The following FADS2 variants were observed in gnomAD, a reference collection of about 807,000 sequenced individuals.
FADS2 encodes the protein acyl-CoA 6-desaturase.
A neutral mutation model predicts 61.2 loss-of-function variants in FADS2; 18 were observed. That is an observed-to-expected ratio of 0.29 (90% CI 0.20 to 0.44). FADS2 has a LOEUF of 0.44. FADS2 is among the 20% of genes least tolerant of loss of function. The probability of loss-of-function intolerance (pLI) is 1.00; values close to 1 mark genes in which losing one functional copy is unlikely to be tolerated. For missense variants in FADS2, 322 were observed against 572.7 expected (o/e 0.56, Z 4.47); for synonymous variants, 203 against 223.9 (o/e 0.91, Z 0.83).
chr11:61,816,858 A>T lies in FADS2; in HGVS notation c.141+432A>T, dbSNP rs113305638. The T allele has an allele frequency of 6.7e-7, 1 of 1,481,892 alleles. No homozygotes were observed. Among genetic ancestry groups the T allele is most frequent in the Admixed American group, 2.4e-5 (1 of 41,350 alleles). 91.8% of individuals were successfully genotyped at this position (1,481,892 alleles called of 1,614,324 possible). On this transcript the variant is annotated intron_variant, in intron 1 of 11. Coordinates refer to the FADS2 transcript ENST00000257261. This position sits in a 1 kb window ranked among gnomAD's most constrained non-coding sequence, Gnocchi z 7.0. ...AGTGGATTTGCTGGCGCGCGCCCAG[A>T]GCCAGCCGCCTGCGCGCCGGGTTTT...
rs1565334598 is a variant in FADS2, at chr11:61,853,295, CCTTCCTT to C, written c.745-3714_745-3708del. Among the ~76,000 whole-genome samples, 447 of 86,222 alleles carry C rather than the reference CCTTCCTT, an allele frequency of 5.2e-3. 8 individuals are homozygous for C. Among genetic ancestry groups the C allele is most frequent in the African/African-American group, 0.015 (407 of 26,432 alleles). 56.6% of individuals were successfully genotyped at this position (86,222 alleles called of 152,430 possible). A position where few individuals can be genotyped will look rare whatever the true frequency, so the allele number is the denominator to read the frequency against. On this transcript the variant is annotated intron_variant, in intron 5 of 11. Coordinates refer to ENST00000278840, the MANE Select transcript of FADS2 (RefSeq NM_004265.4). ...CCTCCCTTCCCTCCCTCCCTCCCTT[CCTTCCTT>C]CCTTCCTTCCTTCCTTCCTTCCTTC...
At chr11:61,837,208 A>G (rs2067181169) in intron 1 of FADS2, among the ~76,000 whole-genome samples, 1 of 152,230 alleles carries the variant, frequency 6.6e-6, no homozygotes, top group African/African-American at 2.4e-5. Context: ...TAACATGTGC[A>G]ATAATAGCCT....
In FADS2 at chr11:61,862,958, A is replaced by C. The variant is rs772936031; in HGVS notation, c.883-14A>C. On this transcript the variant is annotated splice_polypyrimidine_tract_variant and intron_variant, in intron 7 of 11. Transcript: ENST00000278840. ...GAGAGGGCAGGTTGCACCTAACTTC[A>C]TCTTTCCCCGCAGGACCTGGCCTGG... The C allele has an allele frequency of 1.1e-5, 17 of 1,612,788 alleles. No homozygotes were observed. Among genetic ancestry groups the C allele is most frequent in the Non-Finnish European group, 1.4e-5 (17 of 1,178,758 alleles).
In FADS2 at chr11:61,828,404, G is replaced by C. The variant is rs765959838; in HGVS notation, c.14G>C (p.Gly5Ala). The change falls in exon 1 of 12, where the codon GGG becomes GCG. Residue 5 changes from glycine (G) to alanine (A), a missense_variant. Around this residue, in one of 3 missense-constraint regions of FADS2, gnomAD observed 61 missense variants for 107.4 expected, o/e 0.57. Coordinates refer to ENST00000278840, the MANE Select transcript of FADS2 (RefSeq NM_004265.4). The surrounding 1 kb of genome is among the most constrained non-coding windows in gnomAD (Gnocchi z 6.4). ...TCGGCAGGCAGCATGGGGAAGGGAG[G>C]GAACCAGGGCGAGGGGGCCGCCGAG... MGKG[G>A]NQGEGAAERE... 22 of 1,567,040 alleles carry C rather than the reference G, an allele frequency of 1.4e-5. No homozygotes were observed. Among genetic ancestry groups the C allele is most frequent in the Non-Finnish European group, 1.8e-5 (21 of 1,156,662 alleles).
At chr11:61,858,236 G>T (rs2067380929) in intron 7 of FADS2, among the ~76,000 whole-genome samples, 1 of 121,504 alleles carries the variant, frequency 8.2e-6, no homozygotes, top group South Asian at 2.7e-4. Flanking sequence ...GGAGTGCAGT[G>T]GTGTGATCTC....
intron 5 of FADS2, among the ~76,000 whole-genome samples, chr11:61,850,838 A>G (rs899460694): frequency 6.6e-6 from 1 of 152,194 alleles, no homozygotes; most frequent in Non-Finnish European, 1.5e-5. Context: ...TGGCACCGTG[A>G]GTGAAGTAGT....
In FADS2 at chr11:61,831,425, G is replaced by A. The variant is rs548816858; in HGVS notation, c.207+2828G>A. 3.0e-4 allele frequency among the ~76,000 whole-genome samples: 46 copies of A among 152,268 alleles called. No individual in the cohort carries two copies. The South Asian group carries it at 6.2e-3, about 21-fold the overall frequency. On this transcript the variant is annotated intron_variant, in intron 1 of 11. Transcript: ENST00000278840. ...CCTAACACAAGGCTGGAAACAGGTC[G>A]GAAGTCAAGGTAGCCATTCTTGGGA...
intron 9 of FADS2, 85 bp downstream of exon 9, chr11:61,863,463 C>A: frequency 2.8e-6 from 3 of 1,079,360 alleles, no homozygotes; most frequent in Non-Finnish European, 2.8e-6. Context: ...TAACACAGGG[C>A]TGTGCTGGGC....
Position 61,865,168 on chromosome 11 carries a change from C to G in FADS2, c.1174C>G (p.Pro392Ala). Reference sequence around the variant, plus strand: ...ACTCCTCAGCCTCTTCCCCACCATGCCCCGGCACAACTTACACAAGATCGC... The same window carrying G: ...ACTCCTCAGCCTCTTCCCCACCATGGCCCGGCACAACTTACACAAGATCGC... Reference protein sequence around the residue: ...QIEHHLFPTMPRHNLHKIAPL... With the variant: ...QIEHHLFPTMARHNLHKIAPL... The change falls in exon 11 of 12, where the codon CCC (proline) becomes GCC (alanine). Residue 392 changes from proline to alanine, a missense_variant. Pro to Ala is a conservative substitution (Grantham distance 27). Transcript: ENST00000278840. This position sits in a 1 kb window ranked among gnomAD's most constrained non-coding sequence, Gnocchi z 4.1. 6.2e-7 allele frequency: 1 copy of G among 1,613,580 alleles called. No homozygotes were observed. Among genetic ancestry groups the G allele is most frequent in the Non-Finnish European group, 8.5e-7 (1 of 1,179,898 alleles).
At position 61,840,523 on chromosome 11, in the gene FADS2, A is replaced by G. The variant is rs2067210157; in HGVS notation, c.508A>G (p.Thr170Ala). The change falls in exon 3 of 12, where the codon ACC becomes GCC. Residue 170 changes from threonine (T) to alanine (A), a missense_variant. Around this residue, in one of 3 missense-constraint regions of FADS2, gnomAD observed 221 missense variants for 427.9 expected, o/e 0.52. Transcript: ENST00000278840. ...PTLITAFVLA[T>A]SQAQAGWLQH... ...CCTCATCACGGCCTTTGTCCTTGCT[A>G]CCTCTCAGGTGAGGCGTGACACCCT... is the stretch of plus-strand genomic sequence containing the variant. 2 of 1,613,746 alleles carry G rather than the reference A, an allele frequency of 1.2e-6. No homozygotes were observed. Among genetic ancestry groups the G allele is most frequent in the Non-Finnish European group, 1.7e-6 (2 of 1,179,960 alleles).
At chr11:61,863,114 T>C in intron 8 of FADS2, 45 bp downstream of exon 8, 1 of 1,551,582 alleles carries the variant, frequency 6.4e-7, no homozygotes, top group African/African-American at 1.4e-5. Context: ...CCACTGGCAC[T>C]GATGATGGCT....
chr11:61,849,993 C>A (rs1565333316), intron 5 of FADS2, among the ~76,000 whole-genome samples: 1 of 152,128 alleles, frequency 6.6e-6, no homozygotes, highest in Non-Finnish European at 1.5e-5. Flanking sequence ...GATTGCACCA[C>A]TGCACTCCAG....
At position 61,863,593 on chromosome 11, in the gene FADS2, G is replaced by C. The variant is rs1053698985; in HGVS notation, c.1078-114G>C. On this transcript the variant is annotated intron_variant, in intron 9 of 11. Transcript: ENST00000278840. Reference sequence around the variant, plus strand: ...GTGGGCTGAGGCCATCAGGCAGGACGGTATGATGTGGACGGGTGGCCTGGA... The same window carrying C: ...GTGGGCTGAGGCCATCAGGCAGGACCGTATGATGTGGACGGGTGGCCTGGA... 1.0e-5 allele frequency: 9 copies of C among 890,602 alleles called. No homozygotes were observed. The African/African-American group carries it at 1.5e-4, about 15-fold the overall frequency. The allele number at this position is 890,602 out of a possible 1,614,324, so 55.2% of individuals were successfully genotyped here.
intron 2 of FADS2, among the ~76,000 whole-genome samples, chr11:61,838,714 T>C (rs746674504): frequency 2.0e-5 from 3 of 151,980 alleles, no homozygotes; most frequent in Non-Finnish European, 2.9e-5. Flanking sequence ...CAAAGGCCAA[T>C]GCCCCTCCTC....
intron 5 of FADS2, among the ~76,000 whole-genome samples, chr11:61,851,257 A>T (rs1309491163): frequency 3.9e-5 from 6 of 152,160 alleles, no homozygotes; most frequent in Non-Finnish European, 8.8e-5. Flanking sequence ...CCAACAAAGA[A>T]AGTCTAGTCC....
intron 1 of FADS2, among the ~76,000 whole-genome samples, chr11:61,834,624 A>C (rs2067155764): frequency 1.3e-5 from 2 of 152,128 alleles, no homozygotes; most frequent in African/African-American, 4.8e-5. Context: ...AGGCAGCAGG[A>C]GTGGAGATGA....
intron 6 of FADS2, 39 bp from the exon 7 acceptor site, chr11:61,857,415 T>G (rs1475058276): frequency 5.1e-6 from 8 of 1,583,626 alleles, no homozygotes; most frequent in Non-Finnish European, 6.9e-6. Flanking sequence ...ACAGGCAGGG[T>G]GGAATGGATG....
chr11:61,826,573 G>C (rs1380916481), upstream of FADS2: 2 of 599,582 alleles, frequency 3.3e-6, no homozygotes, highest in African/African-American at 3.7e-5. Flanking sequence ...CAGTCCTCAA[G>C]GCCACCATAC....
chr11:61,862,918 G>A, intron 7 of FADS2, 54 bp from the exon 8 acceptor site: 2 of 1,433,762 alleles, frequency 1.4e-6, no homozygotes, highest in Non-Finnish European at 2.0e-6. Flanking sequence ...GCACGCACTT[G>A]GTGCCAGGGC....
Sources: allele counts gnomAD v4.1 joint callset (sites outside exome capture counted in the v4.1 genomes callset), GRCh38; gene constraint gnomAD v4.1.1; regional missense constraint gnomAD v4.1.1; non-coding constraint Gnocchi (gnomAD v3.1); transcripts MANE v1.5; gene names NCBI Gene and HGNC (gene_info 2026-07-23, HGNC 2026-07-21).